Variants in SCAPER observed in about 807,000 individuals in gnomAD.
SCAPER encodes the protein S phase cyclin A-associated protein in the endoplasmic reticulum.
A neutral mutation model predicts 182.2 loss-of-function variants in SCAPER; 98 were observed. The observed-to-expected ratio is 0.54, with a 90% confidence interval of 0.46 to 0.64. SCAPER has a LOEUF of 0.64. SCAPER is among the 30% of genes least tolerant of loss of function. SCAPER has a pLI of 0.00. For missense variants in SCAPER, 1,432 were observed against 1,690.0 expected (o/e 0.85, Z 2.68); for synonymous variants, 605 against 564.6 (o/e 1.07, Z -1.01).
At chr15:76,852,031 G>T (rs939290188) in intron 4 of SCAPER, among the ~76,000 whole-genome samples, 1 of 151,930 alleles carries the variant, frequency 6.6e-6, no homozygotes, top group African/African-American at 2.4e-5. Flanking sequence ...AAAAGGAGTG[G>T]TTACAATCCT....
At chr15:76,885,335 C>T (rs2073783832) in intron 1 of SCAPER, among the ~76,000 whole-genome samples, 1 of 152,190 alleles carries the variant, frequency 6.6e-6, no homozygotes, top group Admixed American at 6.5e-5. Flanking sequence ...CACTGTACTC[C>T]AATCACACTG....
intron 1 of SCAPER, among the ~76,000 whole-genome samples, chr15:76,891,182 A>C (rs1182732650): frequency 1.3e-5 from 2 of 152,224 alleles, no homozygotes; most frequent in Non-Finnish European, 1.5e-5. Context: ...AAATAATAAC[A>C]GCTATTTATG....
intron 2 of SCAPER, among the ~76,000 whole-genome samples, chr15:76,864,557 G>C (rs1331140642): frequency 1.3e-5 from 2 of 152,036 alleles, no homozygotes; most frequent in Non-Finnish European, 2.9e-5. Flanking sequence ...TGGGGAATAT[G>C]TGAAGAAAAA....
intron 23 of SCAPER, among the ~76,000 whole-genome samples, chr15:76,548,210 TG>T (rs2045459898): frequency 6.6e-6 from 1 of 152,126 alleles, no homozygotes; most frequent in African/African-American, 2.4e-5. Context: ...TGATTTTCAA[TG>T]TGAAAATAAA....
intron 17 of SCAPER, among the ~76,000 whole-genome samples, chr15:76,724,088 T>C (rs2060436890): frequency 6.6e-6 from 1 of 152,006 alleles, no homozygotes; most frequent in African/African-American, 2.4e-5. Context: ...GTTTAGTGCT[T>C]CCTTCAGGAG....
chr15:76,390,488 T>C (rs1408402740), intron 27 of SCAPER, among the ~76,000 whole-genome samples: 2 of 151,878 alleles, frequency 1.3e-5, no homozygotes, highest in Non-Finnish European at 2.9e-5. Flanking sequence ...AGTAAAGAGG[T>C]GACAGGCTCA....
At chr15:76,370,310 T>TTG (rs1555414225) in intron 29 of SCAPER, among the ~76,000 whole-genome samples, 1 of 137,360 alleles carries the variant, frequency 7.3e-6, no homozygotes, top group African/African-American at 2.7e-5. Context: ...TTTTTTTTTT[T>TTG]TTTTTTGTTT....
intron 3 of SCAPER, among the ~76,000 whole-genome samples, chr15:76,859,712 A>C (rs533383292): frequency 9.9e-5 from 15 of 152,136 alleles, no homozygotes; most frequent in Admixed American, 7.2e-4. Context: ...CTGTGCTTAC[A>C]GTTTTTTGGG....
chr15:76,389,916 C>T (rs2043566649), intron 27 of SCAPER, among the ~76,000 whole-genome samples: 1 of 151,652 alleles, frequency 6.6e-6, no homozygotes, highest in Non-Finnish European at 1.5e-5. Context: ...GGGAGAATTT[C>T]CAGTTACCTG....
At chr15:76,518,033 C>T (rs895606585) in intron 23 of SCAPER, among the ~76,000 whole-genome samples, 1 of 152,094 alleles carries the variant, frequency 6.6e-6, no homozygotes, top group Non-Finnish European at 1.5e-5. Flanking sequence ...ATGAGTAGTT[C>T]TTTTAACCAG....
intron 17 of SCAPER, among the ~76,000 whole-genome samples, chr15:76,714,052 T>C: frequency 6.6e-6 from 1 of 151,066 alleles, no homozygotes; most frequent in East Asian, 1.9e-4. Flanking sequence ...TCAGCAATTT[T>C]TTTTTTAAAA....
chr15:76,719,983 G>C (rs958660320), intron 17 of SCAPER, among the ~76,000 whole-genome samples: 2 of 151,558 alleles, frequency 1.3e-5, no homozygotes, highest in South Asian at 4.2e-4. Flanking sequence ...CAACGTGCAG[G>C]TTTGTTACAT....
intron 25 of SCAPER, among the ~76,000 whole-genome samples, chr15:76,465,331 T>C (rs915221544): frequency 3.9e-5 from 6 of 152,074 alleles, no homozygotes; most frequent in Non-Finnish European, 7.4e-5. Flanking sequence ...GGGCATCTTT[T>C]ATAAGGGTTC....
intron 27 of SCAPER, among the ~76,000 whole-genome samples, chr15:76,396,661 T>C (rs746439184): frequency 3.3e-5 from 5 of 152,228 alleles, no homozygotes; most frequent in Non-Finnish European, 7.4e-5. Context: ...TGGACATTGA[T>C]TTTGTATCCT....
intron 20 of SCAPER, among the ~76,000 whole-genome samples, chr15:76,688,843 C>CTTTTTTT (rs71143353): frequency 3.5e-4 from 32 of 92,390 alleles, no homozygotes; most frequent in Admixed American, 5.8e-4. Flanking sequence ...AAATGCCTCT[C>CTTTTTTT]TTTTTTTTTT....
chr15:76,756,116 C>A (rs956954855), intron 14 of SCAPER, among the ~76,000 whole-genome samples: 5 of 151,916 alleles, frequency 3.3e-5, no homozygotes, highest in South Asian at 2.1e-4. Context: ...TGGTGGTGCA[C>A]GCCTATAATC....
At chr15:76,612,891 T>C (rs1341690619) in intron 22 of SCAPER, among the ~76,000 whole-genome samples, 2 of 152,180 alleles carry the variant, frequency 1.3e-5, no homozygotes, top group Admixed American at 6.5e-5. Flanking sequence ...TAAACTACCA[T>C]TGATATTCTT....
At chr15:76,669,290 T>C (rs1226690299) in intron 20 of SCAPER, among the ~76,000 whole-genome samples, 1 of 152,180 alleles carries the variant, frequency 6.6e-6, no homozygotes, top group Non-Finnish European at 1.5e-5. Flanking sequence ...AATATTTTCT[T>C]TGATAAACTA....
At chr15:76,820,094 T>C (rs1193838205) in intron 5 of SCAPER, among the ~76,000 whole-genome samples, 2 of 152,026 alleles carry the variant, frequency 1.3e-5, no homozygotes, top group Admixed American at 6.5e-5. Flanking sequence ...AAACAACAGG[T>C]GCTGGAGAGG....
Sources: gnomAD v4.1 joint callset for allele counts (sites outside exome capture counted in the v4.1 genomes callset) on GRCh38, gnomAD v4.1.1 for gene constraint, MANE v1.5 for transcripts, NCBI Gene and HGNC (gene_info 2026-07-23, HGNC 2026-07-21) for gene names.